Variants in GOLGA4 observed in about 807,000 individuals in gnomAD.
The protein encoded by GOLGA4 is golgin subfamily A member 4.
A neutral mutation model predicts 265.9 loss-of-function variants in GOLGA4; 169 were observed. That is an observed-to-expected ratio of 0.64 (90% CI 0.56 to 0.72). The LOEUF (loss-of-function observed/expected upper bound fraction) is 0.72. Among genes scored for constraint, GOLGA4 ranks in the 30% least tolerant of loss-of-function variants. The pLI is 0.00. For missense variants in GOLGA4, 2,482 were observed against 2,483.4 expected, an observed-to-expected ratio of 1.00 and a Z score of 0.01; for synonymous variants, 923 against 855.8, an observed-to-expected ratio of 1.08 and a Z score of -1.37.
At chr3:37,302,452 A>T in intron 10 of GOLGA4, 120 bp downstream of exon 10, 1 of 852,368 alleles carries the variant, frequency 1.2e-6, no homozygotes, top group Non-Finnish European at 1.8e-6. Context: ...GAGGCTCCTA[A>T]TAAGACACCC....
chr3:37,314,337 T>C (rs1393272992), intron 10 of GOLGA4, among the ~76,000 whole-genome samples: 3 of 152,130 alleles, frequency 2.0e-5, no homozygotes, highest in Non-Finnish European at 4.4e-5. Context: ...AATGTTGAGC[T>C]GTTTGGCTTC....
At chr3:37,329,180 G>T (rs1488845870) in intron 16 of GOLGA4, 87 bp downstream of exon 16, 15 of 1,108,836 alleles carry the variant, frequency 1.4e-5, no homozygotes, top group South Asian at 7.1e-5. Flanking sequence ...TTTCAAATGT[G>T]TTTTTTGAAC....
At chr3:37,303,989 A>C (rs1013875064) in intron 10 of GOLGA4, among the ~76,000 whole-genome samples, 45 of 152,208 alleles carry the variant, frequency 3.0e-4, no homozygotes, top group African/African-American at 1.1e-3. Flanking sequence ...ATGCACAGAG[A>C]ATAAGTATAT....
Position 37,243,629 on chromosome 3 carries a change from T to A in GOLGA4, c.72+7T>A. 5 of 1,607,896 alleles carry A rather than the reference T, an allele frequency of 3.1e-6. No individual in the cohort carries two copies. Among genetic ancestry groups the A allele is most frequent in the Non-Finnish European group, 4.3e-6 (5 of 1,176,156 alleles). ...GGCGCTGGCTCCTGCTCAGGTACGATGGCCGCCGCTCTCCTCCCCTGGTTC... is the reference window on the plus strand; with the variant it reads ...GGCGCTGGCTCCTGCTCAGGTACGAAGGCCGCCGCTCTCCTCCCCTGGTTC... On this transcript the variant is annotated splice_region_variant and intron_variant, in intron 1 of 23. Transcript: ENST00000361924.
At chr3:37,330,756 G>A (rs2096987334) in intron 16 of GOLGA4, among the ~76,000 whole-genome samples, 1 of 152,078 alleles carries the variant, frequency 6.6e-6, no homozygotes. Context: ...GGCCAGGCAC[G>A]GTGGCTCATG....
chr3:37,256,895 A>G (rs1242375322), intron 2 of GOLGA4, among the ~76,000 whole-genome samples: 3 of 152,040 alleles, frequency 2.0e-5, no homozygotes, highest in South Asian at 4.1e-4. Context: ...CCTGGGCTCA[A>G]GGGACCCTGA....
chr3:37,341,136 A>G (rs2097032544), intron 20 of GOLGA4, among the ~76,000 whole-genome samples: 2 of 148,646 alleles, frequency 1.3e-5, no homozygotes, highest in Non-Finnish European at 3.0e-5. Flanking sequence ...CATTGCACTA[A>G]AAAAAAAAAT....
chr3:37,272,005 C>T (rs1184100408), intron 2 of GOLGA4, among the ~76,000 whole-genome samples: 1 of 152,184 alleles, frequency 6.6e-6, no homozygotes, highest in Non-Finnish European at 1.5e-5. Flanking sequence ...TGATCTGTCA[C>T]TGTCTCCCAT....
chr3:37,245,624 A>G (rs2096717159), intron 1 of GOLGA4, among the ~76,000 whole-genome samples: 1 of 152,212 alleles, frequency 6.6e-6, no homozygotes, highest in Non-Finnish European at 1.5e-5. Context: ...TAGTAATAAT[A>G]AGCTAGTCAC....
chr3:37,288,984 T>A (rs991490703), intron 4 of GOLGA4, among the ~76,000 whole-genome samples: 4 of 152,194 alleles, frequency 2.6e-5, no homozygotes, highest in Admixed American at 2.6e-4. Context: ...GTCCATGCAT[T>A]TTAACAAATG....
intron 22 of GOLGA4, among the ~76,000 whole-genome samples, chr3:37,357,256 A>G (rs1376036315): frequency 6.6e-6 from 1 of 152,132 alleles, no homozygotes; most frequent in Non-Finnish European, 1.5e-5. Flanking sequence ...CTACTTTTCT[A>G]CTATTCCTTT....
rs759639024 is a variant in GOLGA4 at position 37,323,608 on chromosome 3, T to G, written c.1722T>G (p.Ser574Arg). 4 of 1,566,800 alleles carry G rather than the reference T, an allele frequency of 2.6e-6. No individual in the cohort carries two copies. Among genetic ancestry groups the G allele is most frequent in the Admixed American group, 4.1e-5 (2 of 48,228 alleles). The change falls in exon 14 of 24, where the codon AGT (serine) becomes AGG (arginine). Residue 574 changes from serine to arginine, a missense_variant. Physicochemically the swap from Ser to Arg is moderately radical, Grantham distance 110. This residue lies in a region of GOLGA4 where 1,536 missense variants were observed against 1,483.7 expected (regional missense o/e 1.04). Transcript: ENST00000361924. ...TYRTRILELE[S>R]SLEKSLQENK... ...AACAGAGAATTCTTGAATTGGAAAG[T>G]TCTTTGGAAAAAAGCTTACAAGAAA... is the stretch of plus-strand genomic sequence containing the variant.
chr3:37,326,098 T>C lies in GOLGA4; in HGVS notation c.4212T>C (p.Asp1404=), dbSNP rs2096969958. The part of the protein sequence containing the change: ...AAISSLRKQY[D]EEKCELLDQV... ...TTTCATCACTAAGAAAGCAGTATGA[T>C]GAAGAAAAATGTGAATTGCTGGATC... The change falls in exon 14 of 24, where the codon GAT becomes GAC. Residue 1404 remains aspartate, a synonymous_variant. Coordinates refer to ENST00000361924, the MANE Select transcript of GOLGA4 (RefSeq NM_002078.5). The C allele has an allele frequency of 6.2e-7, 1 of 1,613,548 alleles. No homozygotes were observed. Among genetic ancestry groups the C allele is most frequent in the South Asian group, 1.1e-5 (1 of 91,048 alleles).
intron 1 of GOLGA4, among the ~76,000 whole-genome samples, chr3:37,248,170 C>CT (rs1443648067): frequency 1.3e-5 from 2 of 152,150 alleles, no homozygotes; most frequent in Non-Finnish European, 2.9e-5. Context: ...GAGTCAGGGT[C>CT]TTACTGTGTT....
intron 18 of GOLGA4, 58 bp from the exon 19 acceptor site, chr3:37,337,608 G>A (rs372872022): frequency 1.7e-6 from 2 of 1,148,574 alleles, no homozygotes; most frequent in Non-Finnish European, 1.3e-6. Context: ...GTGCAGAAAT[G>A]TGTCTGGGCA....
chr3:37,338,096 C>T (rs1053644518), intron 19 of GOLGA4, among the ~76,000 whole-genome samples: 3 of 151,934 alleles, frequency 2.0e-5, no homozygotes, highest in Non-Finnish European at 4.4e-5. Context: ...TTTAATTTTC[C>T]CATATATTAT....
intron 10 of GOLGA4, among the ~76,000 whole-genome samples, chr3:37,309,414 G>A (rs1245666175): frequency 6.6e-6 from 1 of 151,832 alleles, no homozygotes; most frequent in African/African-American, 2.4e-5. Context: ...AATTAGCTGG[G>A]CATGGTGGCA....
At chr3:37,328,317 C>A in intron 14 of GOLGA4, 99 bp from the exon 15 acceptor site, 5 of 1,117,894 alleles carry the variant, frequency 4.5e-6, no homozygotes, top group South Asian at 1.5e-5. Context: ...TGTTTTCATA[C>A]AATGAACTCA....
chr3:37,295,956 G>A (rs2096877075), intron 6 of GOLGA4, 131 bp from the exon 7 acceptor site: 1 of 710,748 alleles, frequency 1.4e-6, no homozygotes, highest in Admixed American at 2.4e-5. Flanking sequence ...TTTATATAAT[G>A]GACTTGAGCT....
Sources: gnomAD v4.1 joint callset for allele counts (sites outside exome capture counted in the v4.1 genomes callset) on GRCh38, gnomAD v4.1.1 for gene constraint, gnomAD v4.1.1 regional missense constraint, MANE v1.5 for transcripts, NCBI Gene and HGNC (gene_info 2026-07-23, HGNC 2026-07-21) for gene names.